The following MAGI2 variants were observed in gnomAD, a reference collection of about 807,000 sequenced individuals.
MAGI2 encodes membrane-associated guanylate kinase, WW and PDZ domain-containing protein 2.
In MAGI2, 35 loss-of-function variants were observed where a neutral mutation model predicts 133.3. That is an observed-to-expected ratio of 0.26 (90% confidence interval 0.20 to 0.35). The LOEUF is 0.35. Among genes scored for constraint, MAGI2 ranks in the 10% least tolerant of loss-of-function variants. The probability of loss-of-function intolerance (pLI) is 1.00; values close to 1 mark genes in which losing one functional copy is unlikely to be tolerated. For synonymous variants in MAGI2, 729 were observed against 710.6 expected, an observed-to-expected ratio of 1.03 and a Z score of -0.41; for missense variants, 1,636 against 1,863.4, an observed-to-expected ratio of 0.88 and a Z score of 2.25.
chr7:78,039,126 T>C (rs1810537684), intron 21 of MAGI2, among the ~76,000 whole-genome samples: 1 of 152,210 alleles, frequency 6.6e-6, no homozygotes, highest in Admixed American at 6.5e-5. Context: ...GATTTGCAGC[T>C]GGTTCAGACA....
rs568125293 is a variant in MAGI2, at chr7:78,020,075, C to T, written c.3707-99G>A. On this transcript the variant is annotated intron_variant, in intron 21 of 21. Transcript: ENST00000354212. ...GGGGCAGGCAGCTGGGGCGATTGCT[C>T]TCAGGGGCCGGAGCCACCGCCGCCC... The T allele has an allele frequency of 4.7e-5, 53 of 1,116,748 alleles. 1 individual carries two copies. The East Asian group carries it at 1.0e-3, about 22-fold the overall frequency. 69.2% of individuals were successfully genotyped at this position (1,116,748 alleles called of 1,614,324 possible). A position where few individuals can be genotyped will look rare whatever the true frequency, so the allele number is the denominator to read the frequency against.
intron 2 of MAGI2, among the ~76,000 whole-genome samples, chr7:78,929,534 C>T (rs896866149): frequency 1.3e-5 from 2 of 152,152 alleles, no homozygotes; most frequent in Non-Finnish European, 1.5e-5. Context: ...GGGAGACTCT[C>T]TTGCCTTTGC....
chr7:79,132,316 G>A (rs1359594845), intron 1 of MAGI2, among the ~76,000 whole-genome samples: 1 of 151,926 alleles, frequency 6.6e-6, no homozygotes, highest in East Asian at 1.9e-4. Flanking sequence ...CCCCTTCTGA[G>A]TCCTTAAAGT....
chr7:78,207,294 A>G (rs1787199125), intron 10 of MAGI2, among the ~76,000 whole-genome samples: 1 of 152,160 alleles, frequency 6.6e-6, no homozygotes, highest in African/African-American at 2.4e-5. Flanking sequence ...ATTTCTGAAA[A>G]TATTTCAGGG....
At chr7:78,075,739 C>T (rs1263513028) in intron 21 of MAGI2, among the ~76,000 whole-genome samples, 1 of 152,114 alleles carries the variant, frequency 6.6e-6, no homozygotes, top group African/African-American at 2.4e-5. Flanking sequence ...CCTAGAAAAT[C>T]TCTAAATGTG....
At chr7:78,827,449 T>A (rs1165428265) in intron 2 of MAGI2, among the ~76,000 whole-genome samples, 2 of 121,334 alleles carry the variant, frequency 1.6e-5, no homozygotes, top group Non-Finnish European at 3.7e-5. Flanking sequence ...ATGTTAATTT[T>A]GAATTTTTTG....
intron 1 of MAGI2, among the ~76,000 whole-genome samples, chr7:79,193,697 T>A (rs1395165340): frequency 2.0e-5 from 3 of 151,534 alleles, no homozygotes; most frequent in Non-Finnish European, 4.4e-5. Flanking sequence ...CAAAAAAAAA[T>A]TATAATTCAT....
chr7:79,046,071 C>T (rs1812155815), intron 1 of MAGI2, among the ~76,000 whole-genome samples: 1 of 152,088 alleles, frequency 6.6e-6, no homozygotes, highest in African/African-American at 2.4e-5. Context: ...TTTGCAACTT[C>T]CTGTGTGCAT....
chr7:78,420,201 C>T (rs2151400707), intron 6 of MAGI2, among the ~76,000 whole-genome samples: 1 of 152,244 alleles, frequency 6.6e-6, no homozygotes, highest in South Asian at 2.1e-4. Flanking sequence ...ACTAGAATCA[C>T]TAAATCTAAC....
At chr7:78,451,003 G>A (rs1584191693) in intron 6 of MAGI2, among the ~76,000 whole-genome samples, 3 of 152,128 alleles carry the variant, frequency 2.0e-5, no homozygotes, top group East Asian at 3.9e-4. Flanking sequence ...GACAGAAAGC[G>A]GCAGGTGGTA....
intron 14 of MAGI2, chr7:78,170,661 A>G (rs902269997): frequency 6.6e-6 from 1 of 152,166 alleles, no homozygotes; most frequent in Non-Finnish European, 1.5e-5. Flanking sequence ...GGTGTCAGTC[A>G]TGTGGTCAAG....
intron 2 of MAGI2, among the ~76,000 whole-genome samples, chr7:78,924,416 T>C (rs2151641673): frequency 6.6e-6 from 1 of 152,300 alleles, no homozygotes; most frequent in South Asian, 2.1e-4. Context: ...TGTTGTTGAA[T>C]TTTGTCAAAG....
intron 9 of MAGI2, among the ~76,000 whole-genome samples, chr7:78,266,970 C>T (rs1794082722): frequency 6.6e-6 from 1 of 152,162 alleles, no homozygotes; most frequent in African/African-American, 2.4e-5. Context: ...GCATTGTGAG[C>T]TGGTTGCTAG....
chr7:78,542,747 G>T (rs1346158222), intron 3 of MAGI2, among the ~76,000 whole-genome samples: 1 of 152,190 alleles, frequency 6.6e-6, no homozygotes, highest in Non-Finnish European at 1.5e-5. Context: ...AGCCTGAGAA[G>T]ATGACAGGAA....
chr7:78,369,763 A>G (rs1337792520), intron 6 of MAGI2, among the ~76,000 whole-genome samples: 2 of 152,064 alleles, frequency 1.3e-5, no homozygotes, highest in Non-Finnish European at 2.9e-5. Flanking sequence ...TTTAAAAATA[A>G]GGTATAAAAT....
rs778425796 is a variant in MAGI2 at position 78,256,069 on chromosome 7, A to C, written c.1921T>G (p.Cys641Gly). ...ATCTCAACAATGAGGTCGCCTTCAC[A>C]CAGGCCAGGGCATCCCTGAATGTCA... is the stretch of plus-strand genomic sequence containing the variant. ...ILDIQGCPGL[C>G]EGDLIVEINQ... Residue 641 changes from cysteine (C) to glycine (G), a missense_variant, in exon 10 of 22, where the codon TGT becomes GGT. By Grantham distance (159) the Cys-to-Gly change is radical. This residue lies in a region of MAGI2 where 920 missense variants were observed against 1,093.5 expected (regional missense o/e 0.84). Coordinates refer to ENST00000354212, the MANE Select transcript of MAGI2 (RefSeq NM_012301.4). The C allele has an allele frequency of 1.9e-6, 3 of 1,613,754 alleles. No individual in the cohort carries two copies. The Admixed American group carries it at 5.0e-5, about 27-fold the overall frequency.
At chr7:78,416,566 T>C (rs1053256334) in intron 6 of MAGI2, among the ~76,000 whole-genome samples, 1 of 152,126 alleles carries the variant, frequency 6.6e-6, no homozygotes, top group African/African-American at 2.4e-5. Context: ...TAAAACACTT[T>C]TTTGCCTCCT....
intron 1 of MAGI2, among the ~76,000 whole-genome samples, chr7:79,085,061 T>C (rs73143433): frequency 0.79 from 120,032 of 151,630 alleles, 48,525 homozygotes; most frequent in Non-Finnish European, 0.88. Context: ...TTCAAATATT[T>C]TTTCTGTTCT....
At chr7:79,048,469 CT>C (rs967742171) in intron 1 of MAGI2, among the ~76,000 whole-genome samples, 15 of 152,200 alleles carry the variant, frequency 9.9e-5, no homozygotes, top group African/African-American at 3.6e-4. Flanking sequence ...TAACTTCTCC[CT>C]TTTTACTACA....
Sources: allele counts gnomAD v4.1 joint callset (sites outside exome capture counted in the v4.1 genomes callset), GRCh38; gene constraint gnomAD v4.1.1; regional missense constraint gnomAD v4.1.1; transcripts MANE v1.5; gene names NCBI Gene and HGNC (gene_info 2026-07-23, HGNC 2026-07-21).